RTTN: variants seen among roughly 807,000 people sequenced by gnomAD.
The protein encoded by RTTN is rotatin.
RTTN carries 182 observed loss-of-function variants against 269.2 expected under a neutral mutation model. That is an observed-to-expected ratio of 0.68 (90% confidence interval 0.60 to 0.76). The LOEUF is 0.76. RTTN is among the 30% of genes least tolerant of loss of function. The pLI, the probability that RTTN is intolerant of heterozygous loss-of-function variation, is 0.00. For missense variants in RTTN, 2,545 were observed against 2,608.6 expected (o/e 0.98, Z 0.53); for synonymous variants, 1,006 against 963.5 (o/e 1.04, Z -0.82).
At chr18:70,062,429 T>C (rs1258518964) in intron 35 of RTTN, among the ~76,000 whole-genome samples, 2 of 152,144 alleles carry the variant, frequency 1.3e-5, no homozygotes, top group Non-Finnish European at 2.9e-5. Context: ...AGCTGTTCCT[T>C]CCTGTTTTCT....
At chr18:70,005,145 T>C (rs1410464292) in intron 48 of RTTN, 53 bp downstream of exon 48, 10 of 1,371,692 alleles carry the variant, frequency 7.3e-6, no homozygotes, top group South Asian at 1.3e-5. Flanking sequence ...AATCAGAAAA[T>C]CCACTTAATA....
Position 70,171,827 on chromosome 18 carries a change from C to T in RTTN, c.1477-2760G>A, listed in dbSNP as rs1490817379. On this transcript the variant is annotated intron_variant, in intron 11 of 48. Transcript: ENST00000640769. ...GCCGGCTCTCAGGCCCTACCCTTTA[C>T]CTGATGAATCAGAATATGCAAGATG... Among the ~76,000 whole-genome samples the T allele has an allele frequency of 4.6e-5, 7 of 152,196 alleles. No individual in the cohort carries two copies. The East Asian group carries it at 1.3e-3, about 29-fold the overall frequency.
chr18:70,104,805 A>G, intron 28 of RTTN, among the ~76,000 whole-genome samples: 1 of 152,180 alleles, frequency 6.6e-6, no homozygotes, highest in Non-Finnish European at 1.5e-5. Flanking sequence ...GAGGCTGCAG[A>G]AGAGCAAATG....
chr18:70,137,825 T>A (rs1446881716), intron 21 of RTTN, among the ~76,000 whole-genome samples: 2 of 152,272 alleles, frequency 1.3e-5, no homozygotes, highest in South Asian at 2.1e-4. Context: ...GTACTGTATA[T>A]TTACTTGTCA....
intron 11 of RTTN, among the ~76,000 whole-genome samples, chr18:70,172,335 G>A (rs2061163876): frequency 6.6e-6 from 1 of 152,006 alleles, no homozygotes; most frequent in Admixed American, 6.6e-5. Context: ...CTACCTACTT[G>A]GTCAGTGGCA....
chr18:70,022,348 C>T (rs1475365096), intron 44 of RTTN, among the ~76,000 whole-genome samples: 1 of 152,104 alleles, frequency 6.6e-6, no homozygotes, highest in Non-Finnish European at 1.5e-5. Context: ...CTCAGCCTTC[C>T]CTCCGCTTCT....
Position 70,184,716 on chromosome 18 carries a change from T to TTTGTGTG in RTTN, c.1305+3391_1305+3392insCACACAA, listed in dbSNP as rs59000945. On this transcript the variant is annotated intron_variant, in intron 10 of 48. Coordinates refer to ENST00000640769, the MANE Select transcript of RTTN (RefSeq NM_173630.4). ...AAACCACAGCAGGTTTTTTTTTTTT[T>TTTGTGTG]TGTGTGTGTGTGTGTGTGTGTGTGT... 9.1e-3 allele frequency among the ~76,000 whole-genome samples: 304 copies of TTTGTGTG among 33,376 alleles called. 9 individuals carry two copies. The highest frequency in any genetic ancestry group is 0.018 in the Non-Finnish European group (225 of 12,268). The allele number at this position is 33,376 out of a possible 152,430, so 21.9% of individuals were successfully genotyped here. A position where few individuals can be genotyped will look rare whatever the true frequency, so the allele number is the denominator to read the frequency against.
chr18:70,076,545 CTT>C (rs2058433867), intron 32 of RTTN, among the ~76,000 whole-genome samples: 3 of 152,180 alleles, frequency 2.0e-5, no homozygotes, highest in South Asian at 4.1e-4. Flanking sequence ...TCTATTAACA[CTT>C]CTTTTTAAGG....
chr18:70,068,406 A>T (rs553567498), intron 34 of RTTN, among the ~76,000 whole-genome samples: 2 of 152,332 alleles, frequency 1.3e-5, no homozygotes, highest in South Asian at 4.1e-4. Context: ...TAGGATTCTC[A>T]GTCCAGAACT....
chr18:70,187,388 A>G (rs530228049), intron 10 of RTTN, among the ~76,000 whole-genome samples: 7 of 152,318 alleles, frequency 4.6e-5, no homozygotes, highest in African/African-American at 1.4e-4. Context: ...AAATAAAAAT[A>G]GAAAAAAATA....
At position 70,149,025 on chromosome 18, in the gene RTTN, T is replaced by C; in HGVS notation, c.2185A>G (p.Thr729Ala). ...VIPILQGYAD[T>A]EDPLGNCILL... ...ATGCAGTTACCCAGAGGATCTTCTG[T>C]GTCGGCATAGCCCTAATAGATTTGT... The change falls in exon 17 of 49, where the codon ACA becomes GCA. Residue 729 changes from threonine (T) to alanine (A), a missense_variant. By Grantham distance (58) the Thr-to-Ala change is moderately conservative. Transcript: ENST00000640769. 1 of 1,613,218 alleles carries C rather than the reference T, an allele frequency of 6.2e-7. No homozygotes were observed. Among genetic ancestry groups the C allele is most frequent in the Non-Finnish European group, 8.5e-7 (1 of 1,179,362 alleles).
intron 14 of RTTN, among the ~76,000 whole-genome samples, chr18:70,161,382 C>T (rs2060825311): frequency 6.6e-6 from 1 of 151,956 alleles, no homozygotes; most frequent in Non-Finnish European, 1.5e-5. Flanking sequence ...AGACTTAAAA[C>T]TATAACAACC....
intron 32 of RTTN, among the ~76,000 whole-genome samples, chr18:70,084,137 C>T (rs1224528734): frequency 6.6e-6 from 1 of 151,710 alleles, no homozygotes; most frequent in Non-Finnish European, 1.5e-5. Flanking sequence ...GAGAATGCTT[C>T]AGAAAGCCTA....
intron 30 of RTTN, among the ~76,000 whole-genome samples, chr18:70,089,327 T>C (rs2058781382): frequency 6.6e-6 from 1 of 152,208 alleles, no homozygotes; most frequent in South Asian, 2.1e-4. Flanking sequence ...AGAGGTCATA[T>C]GAGCACACAG....
chr18:70,109,959 C>A (rs2145443470), intron 27 of RTTN, among the ~76,000 whole-genome samples: 1 of 152,274 alleles, frequency 6.6e-6, no homozygotes, highest in South Asian at 2.1e-4. Context: ...TGGCTCACCC[C>A]TATAATCCCA....
At chr18:70,123,599 G>A (rs1200753140) in intron 25 of RTTN, among the ~76,000 whole-genome samples, 1 of 151,818 alleles carries the variant, frequency 6.6e-6, no homozygotes, top group Non-Finnish European at 1.5e-5. Flanking sequence ...GTTTCTCTGT[G>A]TGCCTGGTAT....
chr18:70,065,907 C>T lies in RTTN; in HGVS notation c.4669G>A (p.Gly1557Arg), dbSNP rs1599358760. Residue 1557 changes from glycine to arginine, a missense_variant, in exon 35 of 49, where the codon GGG becomes AGG. By Grantham distance (125) the Gly-to-Arg change is moderately radical (BLOSUM62 -2). Coordinates refer to ENST00000640769, the MANE Select transcript of RTTN (RefSeq NM_173630.4). ...TSETTVAPSL[G>R]STEFQPLVQS... ...ACAAGTGGCTGAAATTCAGTACTCC[C>T]CAATGAAGGTGCCACCTATGAATCA... 1.3e-6 allele frequency: 2 copies of T among 1,596,722 alleles called. No individual in the cohort carries two copies. Among genetic ancestry groups the T allele is most frequent in the South Asian group, 2.3e-5 (2 of 87,992 alleles).
Position 70,205,686 on chromosome 18 carries a change from A to G in RTTN, c.-28T>C. 1 of 1,613,936 alleles carries G rather than the reference A, an allele frequency of 6.2e-7. No homozygotes were observed. Among genetic ancestry groups the G allele is most frequent in the Non-Finnish European group, 8.5e-7 (1 of 1,179,884 alleles). ...CGTCCCGTCAATCTGCAGCCGCCGG[A>G]GAATTAAACTGCCGCGCCACTGCGT... On this transcript the variant is annotated 5_prime_UTR_variant, in exon 1 of 49. Coordinates refer to ENST00000640769, the MANE Select transcript of RTTN (RefSeq NM_173630.4).
intron 10 of RTTN, among the ~76,000 whole-genome samples, chr18:70,183,690 G>A (rs765770490): frequency 3.5e-4 from 53 of 152,252 alleles, no homozygotes; most frequent in Non-Finnish European, 6.5e-4. Context: ...CACCACTCCA[G>A]GTGTGACAAT....
Sources: gnomAD v4.1 joint callset for allele counts (sites outside exome capture counted in the v4.1 genomes callset) on GRCh38, gnomAD v4.1.1 for gene constraint, MANE v1.5 for transcripts, NCBI Gene and HGNC (gene_info 2026-07-23, HGNC 2026-07-21) for gene names.